DNAH5: variants seen among roughly 807,000 people sequenced by gnomAD.
DNAH5 encodes the protein axonemal beta dynein heavy chain 5.
Under a neutral mutation model 518.2 loss-of-function variants are expected in DNAH5, and 372 were observed. That is an observed-to-expected ratio of 0.72 (90% CI 0.66 to 0.78). DNAH5 has a LOEUF of 0.78. Ranked by LOEUF, DNAH5 falls within the 30% of genes least tolerant of loss-of-function variation. The pLI, the probability that DNAH5 is intolerant of heterozygous loss-of-function variation, is 0.00. For missense variants in DNAH5, 5,523 were observed against 5,687.0 expected (o/e 0.97, Z 0.93); for synonymous variants, 2,039 against 2,025.9 (o/e 1.01, Z -0.17).
intron 1 of DNAH5, among the ~76,000 whole-genome samples, chr5:13,934,040 G>T (rs1469026981): frequency 6.6e-6 from 1 of 152,020 alleles, no homozygotes; most frequent in Non-Finnish European, 1.5e-5. Context: ...CTTGAATTTG[G>T]CTAGCCCTAT....
chr5:13,905,010 A>T (rs1328518172), intron 12 of DNAH5, among the ~76,000 whole-genome samples: 1 of 152,248 alleles, frequency 6.6e-6, no homozygotes, highest in Non-Finnish European at 1.5e-5. Context: ...AGAAAGTCGA[A>T]GTAGCAATAT....
At chr5:13,788,217 T>C (rs944951481) in intron 51 of DNAH5, among the ~76,000 whole-genome samples, 8 of 152,216 alleles carry the variant, frequency 5.3e-5, no homozygotes, top group Non-Finnish European at 7.3e-5. Context: ...ATGACCTGAA[T>C]AATAATAAGT....
intron 47 of DNAH5, among the ~76,000 whole-genome samples, chr5:13,806,754 C>G (rs1759661470): frequency 6.6e-6 from 1 of 152,028 alleles, no homozygotes; most frequent in Non-Finnish European, 1.5e-5. Context: ...AGAAAAAGAA[C>G]TATTTAAGCC....
At chr5:13,910,707 C>T (rs143427858) in intron 12 of DNAH5, among the ~76,000 whole-genome samples, 3 of 152,252 alleles carry the variant, frequency 2.0e-5, no homozygotes, top group South Asian at 2.1e-4. Flanking sequence ...GATCCCATCC[C>T]GCCTGTGTCC....
chr5:13,871,532 T>A, intron 23 of DNAH5, 32 bp downstream of exon 23: 1 of 1,561,718 alleles, frequency 6.4e-7, no homozygotes, highest in Non-Finnish European at 8.8e-7. Flanking sequence ...AATGGCTAAT[T>A]TATATAACTA....
At chr5:13,799,214 C>CCT (rs1554054108) in intron 47 of DNAH5, among the ~76,000 whole-genome samples, 1 of 149,896 alleles carries the variant, frequency 6.7e-6, no homozygotes, top group South Asian at 2.2e-4. Context: ...ATACCCCCCC[C>CCT]CACAAAAATG....
intron 46 of DNAH5, among the ~76,000 whole-genome samples, chr5:13,808,415 C>T (rs575072607): frequency 3.9e-5 from 6 of 152,160 alleles, no homozygotes; most frequent in Admixed American, 3.9e-4. Flanking sequence ...TTGTTTAGGC[C>T]ACCTAGGCTG....
At chr5:13,735,423 ATTC>A (rs1747248024) in intron 67 of DNAH5, 102 bp from the exon 68 acceptor site, 2 of 1,169,764 alleles carry the variant, frequency 1.7e-6, no homozygotes, top group South Asian at 2.7e-5. Context: ...TGGAGGAAGA[ATTC>A]TTATTTTTAC....
At chr5:13,815,089 G>A (rs762733842) in intron 42 of DNAH5, among the ~76,000 whole-genome samples, 4 of 152,168 alleles carry the variant, frequency 2.6e-5, no homozygotes, top group Non-Finnish European at 5.9e-5. Flanking sequence ...TATTCATTGA[G>A]CACCTTGCAT....
chr5:13,800,469 C>G (rs1024573655), intron 47 of DNAH5, among the ~76,000 whole-genome samples: 1 of 152,144 alleles, frequency 6.6e-6, no homozygotes, highest in Non-Finnish European at 1.5e-5. Context: ...TTGCCCCATC[C>G]AAAAATTTCC....
intron 65 of DNAH5, 46 bp from the exon 66 acceptor site, chr5:13,737,541 T>C (rs1747705285): frequency 1.3e-6 from 2 of 1,593,398 alleles, no homozygotes; most frequent in Non-Finnish European, 1.7e-6. Context: ...TAACAACTCT[T>C]GTTGAGTATT....
chr5:13,870,797 G>C lies in DNAH5; in HGVS notation c.3804C>G (p.Ile1268Met). 1 of 1,613,678 alleles carries C rather than the reference G, an allele frequency of 6.2e-7. No individual in the cohort carries two copies. The highest frequency in any genetic ancestry group is 8.5e-7 in the Non-Finnish European group (1 of 1,179,746). Reference protein sequence around the residue: ...AALKEIREEQISIDFQVGPIE... With the variant: ...AALKEIREEQMSIDFQVGPIE... ...TAGGTCCTACTTGAAAGTCAATGGA[G>C]ATTTGCTCCTCCCTTATTTCTTTCA... The change falls in exon 24 of 79, where the codon ATC becomes ATG. Residue 1268 changes from isoleucine (I) to methionine (M), a missense_variant. Physicochemically the swap from Ile to Met is conservative, Grantham distance 10. This residue lies in a region of DNAH5 where 5,121 missense variants were observed against 5,223.3 expected (regional missense o/e 0.98). Coordinates refer to ENST00000265104, the MANE Select transcript of DNAH5 (RefSeq NM_001369.3).
At chr5:13,976,272 G>T (rs112096763) in intron 1 of DNAH5, among the ~76,000 whole-genome samples, 1 of 152,108 alleles carries the variant, frequency 6.6e-6, no homozygotes, top group African/African-American at 2.4e-5. Flanking sequence ...TTCCTCAGTT[G>T]CCTGCAGCCA....
At chr5:13,819,820 G>C (rs1487004847) in intron 41 of DNAH5, among the ~76,000 whole-genome samples, 1 of 152,172 alleles carries the variant, frequency 6.6e-6, no homozygotes, top group African/African-American at 2.4e-5. Context: ...CAAATGGGAA[G>C]GTAATTTATG....
intron 29 of DNAH5, 94 bp from the exon 30 acceptor site, chr5:13,859,699 C>T (rs565289195): frequency 1.7e-6 from 2 of 1,159,196 alleles, no homozygotes; most frequent in East Asian, 2.4e-5. Context: ...TTTTTAACCG[C>T]TTTCTTTACA....
intron 20 of DNAH5, 31 bp from the exon 21 acceptor site, chr5:13,882,846 G>A (rs757364977): frequency 1.2e-6 from 2 of 1,613,354 alleles, no homozygotes; most frequent in African/African-American, 2.7e-5. Flanking sequence ...TTTCAGTTCT[G>A]TCCTATCTGT....
At chr5:13,715,074 C>G (rs1744117883) in intron 74 of DNAH5, among the ~76,000 whole-genome samples, 1 of 151,722 alleles carries the variant, frequency 6.6e-6, no homozygotes. Context: ...CATACCCACC[C>G]AGGGAAAAAT....
At position 13,793,863 on chromosome 5, in the gene DNAH5, A is replaced by T. The variant is rs577981041; in HGVS notation, c.8010+73T>A. The T allele has an allele frequency of 1.4e-4, 217 of 1,563,362 alleles. 3 individuals are homozygous for T. In the East Asian group the frequency reaches 2.3e-3, roughly 16 times the overall value. ...TTGAAAAAGTAAAAACTTAAAAAAA[A>T]TTTTTAAAAACTCTTCTAAGAATAA... On this transcript the variant is annotated intron_variant, in intron 48 of 78. Transcript: ENST00000265104.
chr5:13,696,110 G>T (rs554170943), intron 78 of DNAH5, among the ~76,000 whole-genome samples: 1 of 152,244 alleles, frequency 6.6e-6, no homozygotes, highest in African/African-American at 2.4e-5. Flanking sequence ...GGTGTTCTTA[G>T]ATACACTTTT....
Sources: gnomAD v4.1 joint callset for allele counts (sites outside exome capture counted in the v4.1 genomes callset) on GRCh38, gnomAD v4.1.1 for gene constraint, gnomAD v4.1.1 regional missense constraint, MANE v1.5 for transcripts, NCBI Gene and HGNC (gene_info 2026-07-23, HGNC 2026-07-21) for gene names.